The following DAB2IP variants were observed in gnomAD, a reference collection of about 807,000 sequenced individuals.
DAB2IP encodes DAB2 interacting protein.
In DAB2IP, 28 loss-of-function variants were observed where a neutral mutation model predicts 107.2. The observed-to-expected ratio is 0.26, with a 90% CI of 0.19 to 0.36. The LOEUF (loss-of-function observed/expected upper bound fraction) is 0.36. DAB2IP is among the 10% of genes least tolerant of loss of function. The pLI is 1.00. For missense variants in DAB2IP, 1,400 were observed against 1,644.7 expected (o/e 0.85, Z 2.57); for synonymous variants, 755 against 706.4 (o/e 1.07, Z -1.09).
chr9:121,732,334 A>T (rs1387747048), intron 3 of DAB2IP, among the ~76,000 whole-genome samples: 1 of 152,174 alleles, frequency 6.6e-6, no homozygotes, highest in Non-Finnish European at 1.5e-5. Flanking sequence ...GAAACATTAC[A>T]TTTTTGGAGT....
Position 121,699,780 on chromosome 9 carries a change from C to G in DAB2IP, c.362+322C>G, listed in dbSNP as rs560881027. On this transcript the variant is annotated intron_variant, in intron 3 of 15. Transcript: ENST00000408936. This position sits in a 1 kb window ranked among gnomAD's most constrained non-coding sequence, Gnocchi z 6.2. ...CCGAGGTGGGCATTGTTTCCCGGGC[C>G]GTGCGGTGCCCGAACCGGGGACGGA... Among the ~76,000 whole-genome samples the G allele has an allele frequency of 9.2e-5, 14 of 152,316 alleles. No individual in the cohort carries two copies. Among genetic ancestry groups the G allele is most frequent in the Non-Finnish European group, 1.5e-4 (10 of 68,004 alleles).
intron 2 of DAB2IP, among the ~76,000 whole-genome samples, chr9:121,682,406 G>A (rs1728058129): frequency 1.3e-5 from 2 of 152,204 alleles, no homozygotes; most frequent in Admixed American, 1.3e-4. Context: ...ACGGTGTAAG[G>A]TCTACAAGGC....
intron 1 of DAB2IP, among the ~76,000 whole-genome samples, chr9:121,667,433 C>T (rs1833489798): frequency 6.6e-6 from 1 of 152,206 alleles, no homozygotes; most frequent in South Asian, 2.1e-4. Context: ...TGTTTCCCCA[C>T]CCACAGGTAT....
In DAB2IP at chr9:121,782,445, A is replaced by C; in HGVS notation, c.3517A>C (p.Thr1173Pro). The C allele has an allele frequency of 6.2e-7, 1 of 1,613,886 alleles. No homozygotes were observed. Among genetic ancestry groups the C allele is most frequent in the Middle Eastern group, 1.7e-4 (1 of 6,058 alleles). ...TAACGGCATCTCCCCCACCAACCCC[A>C]CCAAATTGCAGATTACTGAGAACGG... Residue 1173 changes from threonine to proline, a missense_variant, in exon 16 of 16, where the codon ACC (threonine) becomes CCC (proline). Coordinates refer to ENST00000408936, the Ensembl canonical transcript of DAB2IP. The surrounding 1 kb of genome is among the most constrained non-coding windows in gnomAD (Gnocchi z 6.1).
At chr9:121,636,100 G>T (rs1327076963) in intron 1 of DAB2IP, among the ~76,000 whole-genome samples, 1 of 152,052 alleles carries the variant, frequency 6.6e-6, no homozygotes, top group Non-Finnish European at 1.5e-5. Context: ...GTAGAGATGG[G>T]TTTTGCCATG....
rs1046570497 is a variant in DAB2IP, at chr9:121,782,266, C to T, written c.3403-65C>T. 9 of 1,549,758 alleles carry T rather than the reference C, an allele frequency of 5.8e-6. No homozygotes were observed. Among genetic ancestry groups the T allele is most frequent in the East Asian group, 2.3e-5 (1 of 43,590 alleles). ...GGCCACCCCCTTCCCCGATGCTTGT[C>T]GTAGGTATACACAGCCCTAAGGAGC... On this transcript the variant is annotated intron_variant, in intron 15 of 15. Transcript: ENST00000408936. The surrounding 1 kb of genome is among the most constrained non-coding windows in gnomAD (Gnocchi z 6.1).
chr9:121,636,716 CCAGTCCCATGT>C (rs1403190703), intron 1 of DAB2IP, among the ~76,000 whole-genome samples: 2 of 152,232 alleles, frequency 1.3e-5, no homozygotes, highest in Non-Finnish European at 2.9e-5. Context: ...TTCTGAACCG[CCAGTCCCATGT>C]CAGCCTGGAG....
In DAB2IP at chr9:121,782,299, A is replaced by G. The variant is rs1402737360; in HGVS notation, c.3403-32A>G. The G allele has an allele frequency of 1.8e-5, 29 of 1,603,846 alleles. No individual in the cohort carries two copies. The highest frequency in any genetic ancestry group is 2.4e-5 in the Non-Finnish European group (28 of 1,172,674). On this transcript the variant is annotated intron_variant, in intron 15 of 15. Coordinates refer to ENST00000408936, the Ensembl canonical transcript of DAB2IP. This position sits in a 1 kb window ranked among gnomAD's most constrained non-coding sequence, Gnocchi z 6.1. ...TACACAGCCCTAAGGAGCCTGTCCC[A>G]TGACCCCCGCTCACATCCCCATTGT...
intron 3 of DAB2IP, among the ~76,000 whole-genome samples, chr9:121,713,692 G>T (rs116070547): frequency 3.9e-4 from 59 of 152,294 alleles, no homozygotes; most frequent in African/African-American, 1.3e-3. Flanking sequence ...GGAGCCTGGG[G>T]TGAATTTGTT....
chr9:121,650,398 G>A (rs1304136629), upstream of DAB2IP, among the ~76,000 whole-genome samples: 1 of 152,192 alleles, frequency 6.6e-6, no homozygotes, highest in Non-Finnish European at 1.5e-5. Context: ...CCCCTGTGAG[G>A]TGCAAAACCC....
Position 121,763,659 on chromosome 9 carries a change from G to A in DAB2IP, c.1315+10G>A, listed in dbSNP as rs1834057650. ...CTGCAGGACGCCCTAGGTAGGGAGT[G>A]GGCCAGCAGCAGGGCAGAGGGTGGG... On this transcript the variant is annotated intron_variant, in intron 7 of 15. Transcript: ENST00000408936. 1.2e-6 allele frequency: 2 copies of A among 1,612,608 alleles called. No homozygotes were observed. The highest frequency in any genetic ancestry group is 1.7e-6 in the Non-Finnish European group (2 of 1,179,260).
chr9:121,616,891 C>T (rs1831298335), intron 1 of DAB2IP, among the ~76,000 whole-genome samples: 1 of 152,178 alleles, frequency 6.6e-6, no homozygotes, highest in Admixed American at 6.5e-5. Flanking sequence ...TGGCTCCAGA[C>T]CCTGCTGCCC....
At chr9:121,567,567 C>A (rs943378342) in intron 1 of DAB2IP, among the ~76,000 whole-genome samples, 4 of 152,206 alleles carry the variant, frequency 2.6e-5, no homozygotes, top group African/African-American at 9.6e-5. Context: ...GTTCGCCAGG[C>A]CTGCCCTGTG....
At chr9:121,764,944 G>A (rs1055325188) in intron 8 of DAB2IP, among the ~76,000 whole-genome samples, 1 of 152,188 alleles carries the variant, frequency 6.6e-6, no homozygotes, top group African/African-American at 2.4e-5. Flanking sequence ...CCTCAGGACT[G>A]GGCACACAGG....
intron 1 of DAB2IP, among the ~76,000 whole-genome samples, chr9:121,632,662 C>G (rs1831938424): frequency 6.6e-6 from 1 of 152,240 alleles, no homozygotes; most frequent in African/African-American, 2.4e-5. Context: ...CTGGTGCCGT[C>G]TAACCCCGTT....
chr9:121,579,930 C>T (rs990393792), intron 1 of DAB2IP, among the ~76,000 whole-genome samples: 8 of 152,296 alleles, frequency 5.3e-5, no homozygotes, highest in African/African-American at 7.2e-5. Context: ...GCACCTGGGT[C>T]GGGGGAAGGA....
intron 1 of DAB2IP, among the ~76,000 whole-genome samples, chr9:121,577,219 G>A (rs946949236): frequency 2.0e-5 from 3 of 152,146 alleles, no homozygotes; most frequent in African/African-American, 7.2e-5. Flanking sequence ...CAGCCAGTGG[G>A]ATTCTGGGGA....
chr9:121,609,618 G>A (rs1439516470), intron 1 of DAB2IP, among the ~76,000 whole-genome samples: 1 of 152,220 alleles, frequency 6.6e-6, no homozygotes, highest in Non-Finnish European at 1.5e-5. Flanking sequence ...AAGGCCCCTG[G>A]TGGGCAGGAC....
chr9:121,775,767 G>A (rs1003743766), intron 13 of DAB2IP, among the ~76,000 whole-genome samples: 9 of 152,166 alleles, frequency 5.9e-5, no homozygotes, highest in African/African-American at 1.9e-4. Context: ...CTAGTCAGTC[G>A]CTCTTCATGT....
Sources: allele counts gnomAD v4.1 joint callset (sites outside exome capture counted in the v4.1 genomes callset), GRCh38; gene constraint gnomAD v4.1.1; non-coding constraint Gnocchi (gnomAD v3.1); transcripts MANE v1.5; gene names NCBI Gene and HGNC (gene_info 2026-07-23, HGNC 2026-07-21).